Variants in NUP35 observed in about 807,000 individuals in gnomAD.
NUP35 encodes the protein nucleoporin NUP35.
In NUP35, 25 loss-of-function variants were observed where a neutral mutation model predicts 41.5. The observed-to-expected ratio is 0.60, with a 90% CI of 0.44 to 0.84. The LOEUF (loss-of-function observed/expected upper bound fraction) is 0.84. NUP35 is among the 40% of genes least tolerant of loss of function. NUP35 has a pLI of 0.00. For synonymous variants in NUP35, 149 were observed against 130.7 expected, an observed-to-expected ratio of 1.14 and a Z score of -0.96; for missense variants, 396 against 396.6, an observed-to-expected ratio of 1.00 and a Z score of 0.01.
At chr2:183,157,682 TG>T (rs2105619131) in intron 6 of NUP35, among the ~76,000 whole-genome samples, 169 bp downstream of exon 6, 1 of 152,226 alleles carries the variant, frequency 6.6e-6, no homozygotes, top group Admixed American at 6.5e-5. Context: ...GCCTAATTTT[TG>T]ATAAAAAGAG....
In NUP35 at chr2:183,124,492, C is replaced by T; in HGVS notation, c.35C>T (p.Ala12Val). 1.2e-6 allele frequency: 2 copies of T among 1,614,076 alleles called. No individual in the cohort carries two copies. The highest frequency in any genetic ancestry group is 1.7e-6 in the Non-Finnish European group (2 of 1,179,986). ...AAFAVEPQGP[A>V]LGSEPMMLGS... Reference sequence around the variant, plus strand: ...TTTGCAGTGGAACCTCAGGGGCCCGCGTTAGGTGAGTGAAATATTGCTTTT... The same window carrying T: ...TTTGCAGTGGAACCTCAGGGGCCCGTGTTAGGTGAGTGAAATATTGCTTTT... Residue 12 changes from alanine (A) to valine (V), a missense_variant, in exon 1 of 9, where the codon GCG (alanine) becomes GTG (valine). Transcript: ENST00000295119.
At chr2:183,121,331 A>G (rs1397949489), upstream of NUP35, among the ~76,000 whole-genome samples, 6 of 152,148 alleles carry the variant, frequency 3.9e-5, no homozygotes, top group African/African-American at 7.2e-5. Flanking sequence ...AAATCTATAG[A>G]CACTTCTTTT....
upstream of NUP35, among the ~76,000 whole-genome samples, chr2:183,121,050 GATCA>G (rs1253387450): frequency 6.6e-6 from 1 of 152,140 alleles, no homozygotes; most frequent in Admixed American, 6.6e-5. Context: ...AAAAAAATGG[GATCA>G]ATTATTGAAA....
intron 5 of NUP35, among the ~76,000 whole-genome samples, chr2:183,155,690 G>A (rs1012019880): frequency 2.0e-5 from 3 of 150,816 alleles, no homozygotes; most frequent in Non-Finnish European, 4.4e-5. Flanking sequence ...TTCTACCTCA[G>A]CCTCATGAGT....
intron 4 of NUP35, among the ~76,000 whole-genome samples, chr2:183,149,995 C>T (rs1025374323): frequency 1.2e-4 from 18 of 152,172 alleles, no homozygotes; most frequent in African/African-American, 4.3e-4. Flanking sequence ...CAACCTCCGC[C>T]TCCCGGGTTC....
intron 4 of NUP35, among the ~76,000 whole-genome samples, chr2:183,138,270 T>TATATATATATATATATATA (rs1553530933): frequency 5.9e-4 from 15 of 25,310 alleles, no homozygotes; most frequent in African/African-American, 1.9e-3. Context: ...TATATATATA[T>TATATATATATATATATATA]TTTTTTTTTT....
chr2:183,129,219 G>A (rs1013793944), intron 2 of NUP35, among the ~76,000 whole-genome samples: 1 of 129,276 alleles, frequency 7.7e-6, no homozygotes, highest in African/African-American at 2.6e-5. Context: ...AGGAAACTTG[G>A]GGGGGAGGTT....
intron 4 of NUP35, among the ~76,000 whole-genome samples, chr2:183,134,743 G>C (rs1684817065): frequency 6.6e-6 from 1 of 151,532 alleles, no homozygotes; most frequent in African/African-American, 2.4e-5. Context: ...AGCCTCCCGG[G>C]TAGCTGGGAT....
rs563439255 is a variant in NUP35, at chr2:183,154,736, A to T, written c.540-2708A>T. 5.3e-5 allele frequency among the ~76,000 whole-genome samples: 8 copies of T among 152,254 alleles called. 1 individual carries two copies. In the South Asian group the frequency reaches 1.7e-3, roughly 32 times the overall value. ...CAAACTGTTCCAACCTCTGCCTATT[A>T]GCCAGTTCCAATGTCACTTCCACAT... On this transcript the variant is annotated intron_variant, in intron 5 of 8. Coordinates refer to ENST00000295119, the MANE Select transcript of NUP35 (RefSeq NM_138285.5).
intron 4 of NUP35, among the ~76,000 whole-genome samples, chr2:183,144,098 T>G (rs1685193720): frequency 6.6e-6 from 1 of 152,186 alleles, no homozygotes; most frequent in Admixed American, 6.5e-5. Context: ...GGTTACAGTT[T>G]TATTACAGCA....
At chr2:183,152,613 G>T (rs1366807310) in intron 5 of NUP35, among the ~76,000 whole-genome samples, 1 of 152,072 alleles carries the variant, frequency 6.6e-6, no homozygotes, top group Non-Finnish European at 1.5e-5. Flanking sequence ...TCCCATTCAG[G>T]TTGCTGCAAA....
chr2:183,142,640 G>T (rs186576685), intron 4 of NUP35, among the ~76,000 whole-genome samples: 4,892 of 113,844 alleles, frequency 0.043, 93 homozygotes, highest in Non-Finnish European at 0.052. Flanking sequence ...ACCACATGCT[G>T]GGCTACTTTT....
At chr2:183,144,672 C>G (rs1056545532) in intron 4 of NUP35, among the ~76,000 whole-genome samples, 1 of 152,042 alleles carries the variant, frequency 6.6e-6, no homozygotes, top group African/African-American at 2.4e-5. Context: ...ACATTGCAGT[C>G]CGATTTGATG....
chr2:183,120,616 T>C (rs2675054), upstream of NUP35, among the ~76,000 whole-genome samples: 145,482 of 152,228 alleles, frequency 0.96, 69,545 homozygotes, highest in East Asian at 1. Context: ...AAAAACAAAG[T>C]GGAGCAGACA....
chr2:183,132,287 G>T (rs991059978), intron 3 of NUP35, among the ~76,000 whole-genome samples: 1 of 152,060 alleles, frequency 6.6e-6, no homozygotes, highest in African/African-American at 2.4e-5. Context: ...CTTCAAAAGT[G>T]CTGGGATTAC....
chr2:183,155,625 G>T (rs1441434024), intron 5 of NUP35, among the ~76,000 whole-genome samples: 1 of 143,574 alleles, frequency 7.0e-6, no homozygotes, highest in Non-Finnish European at 1.5e-5. Context: ...AGGCTGGAGT[G>T]CAGTGGCATG....
chr2:183,140,271 A>C (rs1336064617), intron 4 of NUP35, among the ~76,000 whole-genome samples: 2 of 151,930 alleles, frequency 1.3e-5, no homozygotes, highest in African/African-American at 4.8e-5. Context: ...GGCTGTCCAC[A>C]TTCTTTGGTT....
At chr2:183,142,279 C>A (rs1685119070) in intron 4 of NUP35, among the ~76,000 whole-genome samples, 1 of 151,988 alleles carries the variant, frequency 6.6e-6, no homozygotes, top group African/African-American at 2.4e-5. Context: ...GGGAAACTTC[C>A]CTGTATTATT....
upstream of NUP35, among the ~76,000 whole-genome samples, chr2:183,123,579 T>G (rs980890589): frequency 2.0e-5 from 3 of 152,212 alleles, no homozygotes; most frequent in Non-Finnish European, 4.4e-5. Flanking sequence ...TGGGTGGATA[T>G]TTTGGAAATA....
Sources: gnomAD v4.1 joint callset for allele counts (sites outside exome capture counted in the v4.1 genomes callset) on GRCh38, gnomAD v4.1.1 for gene constraint, MANE v1.5 for transcripts, NCBI Gene and HGNC (gene_info 2026-07-23, HGNC 2026-07-21) for gene names.